D2HGDH: variants seen among roughly 807,000 people sequenced by gnomAD.
D2HGDH encodes the protein D-2-hydroxyglutarate dehydrogenase.
D2HGDH carries 31 observed loss-of-function variants against 46.9 expected under a neutral mutation model. The ratio of observed to expected loss-of-function variants is 0.66; its 90% CI spans 0.50 to 0.89. The LOEUF (loss-of-function observed/expected upper bound fraction) is 0.89. Among genes scored for constraint, D2HGDH ranks in the 40% least tolerant of loss-of-function variants. D2HGDH has a pLI of 0.00. For missense variants in D2HGDH, 698 were observed against 720.8 expected (o/e 0.97, Z 0.36); for synonymous variants, 364 against 332.6 (o/e 1.09, Z -1.03).
rs558559121 is a variant in D2HGDH, at chr2:241,758,769, A to ATGTGTGTGTGTGTGTG, written c.1306+2783_1306+2798dup. 2.5e-3 allele frequency among the ~76,000 whole-genome samples: 332 copies of ATGTGTGTGTGTGTGTG among 131,966 alleles called. 4 individuals are homozygous for ATGTGTGTGTGTGTGTG. The highest frequency in any genetic ancestry group is 2.8e-3 in the Admixed American group (36 of 12,684). The allele number at this position is 131,966 out of a possible 152,430, so 86.6% of individuals were successfully genotyped here. ...TATACCGCCCCCCGCCCCACAATATATGTGTGTGTGTGTGTGTGTGTGTGT... is the reference window on the plus strand; with the variant it reads ...TATACCGCCCCCCGCCCCACAATATATGTGTGTGTGTGTGTGTGTGTGTGTGTGTGTGTGTGTGTGT... On this transcript the variant is annotated intron_variant, in intron 9 of 9. Coordinates refer to ENST00000321264, the MANE Select transcript of D2HGDH (RefSeq NM_152783.5).
intron 7 of D2HGDH, among the ~76,000 whole-genome samples, chr2:241,750,778 C>T (rs750620816): frequency 6.6e-6 from 1 of 152,118 alleles, no homozygotes; most frequent in Non-Finnish European, 1.5e-5. Context: ...CGGATTCAAA[C>T]CATTCTCCTG....
In D2HGDH at chr2:241,751,913, C is replaced by T. The variant is rs576564503; in HGVS notation, c.1140+525C>T. Among the ~76,000 whole-genome samples, 5 of 142,530 alleles carry T rather than the reference C, an allele frequency of 3.5e-5. No homozygotes were observed. In the East Asian group the frequency reaches 5.9e-4, roughly 17 times the overall value. The allele number at this position is 142,530 out of a possible 152,430, so 93.5% of individuals were successfully genotyped here. On this transcript the variant is annotated intron_variant, in intron 8 of 9. Transcript: ENST00000321264. Reference sequence around the variant, plus strand: ...AGGGGGAGCCCTCGGTCACCGTCACCGGGGCCTGGGCAGGGGGAGCCCTCG... The same window carrying T: ...AGGGGGAGCCCTCGGTCACCGTCACTGGGGCCTGGGCAGGGGGAGCCCTCG...
chr2:241,753,653 C>T (rs1484717933), intron 8 of D2HGDH, among the ~76,000 whole-genome samples: 1 of 152,262 alleles, frequency 6.6e-6, no homozygotes, highest in East Asian at 1.9e-4. Context: ...GCTGTAGCCT[C>T]AGCCCACCCG....
At chr2:241,755,269 C>T in intron 8 of D2HGDH, 6 of 1,287,714 alleles carry the variant, frequency 4.7e-6, no homozygotes, top group Non-Finnish European at 6.1e-6. Context: ...CTTCCCTCCC[C>T]TGTGGCCCAC....
intron 9 of D2HGDH, among the ~76,000 whole-genome samples, chr2:241,757,552 A>G (rs1407267821): frequency 6.6e-6 from 1 of 152,124 alleles, no homozygotes; most frequent in Non-Finnish European, 1.5e-5. Context: ...TCAGAATATG[A>G]CCTCAAGCCA....
chr2:241,736,429 G>A (rs1037086465), intron 2 of D2HGDH, among the ~76,000 whole-genome samples: 1 of 141,572 alleles, frequency 7.1e-6, no homozygotes, highest in African/African-American at 2.5e-5. Flanking sequence ...ACAGGGCTGC[G>A]CTCCCTCCAA....
chr2:241,738,169 C>G (rs1427321721), intron 2 of D2HGDH, among the ~76,000 whole-genome samples: 1 of 152,192 alleles, frequency 6.6e-6, no homozygotes, highest in Non-Finnish European at 1.5e-5. Flanking sequence ...TCACCCTGCT[C>G]CCGAAGTAAG....
At chr2:241,756,713 G>A (rs532702532) in intron 9 of D2HGDH, among the ~76,000 whole-genome samples, 1 of 152,282 alleles carries the variant, frequency 6.6e-6, no homozygotes, top group African/African-American at 2.4e-5. Flanking sequence ...GTAGAGACAG[G>A]GTTTTGCCAT....
chr2:241,750,391 G>GGCCC, intron 7 of D2HGDH, 97 bp downstream of exon 7: 1 of 452,580 alleles, frequency 2.2e-6, no homozygotes. Flanking sequence ...GGCGGGGGGT[G>GGCCC]CCCGGGCGGG....
At position 241,755,824 on chromosome 2, in the gene D2HGDH, TGTCTCATCTC is replaced by T. The variant is rs1160849787; in HGVS notation, c.1141-16_1141-7del. ...GGGTGTCGTTCCCATAGCCAGCCCTTGTCTCATCTCGTCTCATCCTCTAGATGCTGTGGGC... is the reference window on the plus strand; with the variant it reads ...GGGTGTCGTTCCCATAGCCAGCCCTTGTCTCATCCTCTAGATGCTGTGGGC... On this transcript the variant is annotated splice_polypyrimidine_tract_variant and intron_variant, in intron 8 of 9. Transcript: ENST00000321264. 1.9e-6 allele frequency: 3 copies of T among 1,610,878 alleles called. No homozygotes were observed. The highest frequency in any genetic ancestry group is 8.5e-7 in the Non-Finnish European group (1 of 1,178,052).
rs778113849 is a variant in D2HGDH, at chr2:241,742,445, G to A, written c.361G>A (p.Glu121Lys). 5.3e-5 allele frequency: 85 copies of A among 1,612,096 alleles called. 3 individuals are homozygous for A. The South Asian group carries it at 7.8e-4, about 15-fold the overall frequency. The change falls in exon 4 of 10, where the codon GAG (glutamate) becomes AAG (lysine). Residue 121 changes from glutamate to lysine, a missense_variant. Physicochemically the swap from Glu to Lys is moderately conservative, Grantham distance 56. Coordinates refer to ENST00000321264, the MANE Select transcript of D2HGDH (RefSeq NM_152783.5). This position sits in a 1 kb window ranked among gnomAD's most constrained non-coding sequence, Gnocchi z 4.8. ...EVSHILRHCH[E>K]RNLAVNPQGG... is the part of the protein sequence containing the mutation. ...CTGTCCTCATCCCAGGCACTGCCAC[G>A]AGAGGAACCTGGCCGTGAACCCACA...
chr2:241,734,999 G>A, intron 1 of D2HGDH, 134 bp from the exon 2 acceptor site: 5 of 533,164 alleles, frequency 9.4e-6, no homozygotes. Context: ...GCGGGGTTGC[G>A]GCCCGGGCAG....
intron 1 of D2HGDH, 161 bp downstream of exon 1, chr2:241,734,856 A>G (rs79042705): frequency 1.7e-4 from 24 of 142,828 alleles, no homozygotes; most frequent in African/African-American, 2.9e-4. Context: ...CGCGTGGAAC[A>G]CGCGCGCGCG....
chr2:241,755,547 G>A, intron 8 of D2HGDH: 1 of 1,407,700 alleles, frequency 7.1e-7, no homozygotes, highest in Non-Finnish European at 9.5e-7. Context: ...GATTGCCGGA[G>A]TCCCAGGGTG....
intron 9 of D2HGDH, among the ~76,000 whole-genome samples, chr2:241,763,992 G>C (rs2125175027): frequency 6.6e-6 from 1 of 152,374 alleles, no homozygotes; most frequent in South Asian, 2.1e-4. Context: ...TGAAGTGTGA[G>C]CCACGATCAC....
At chr2:241,751,516 C>T in intron 8 of D2HGDH, 128 bp downstream of exon 8, 1 of 1,420,560 alleles carries the variant, frequency 7.0e-7, no homozygotes, top group Non-Finnish European at 9.6e-7. Context: ...GACTGGGTTT[C>T]ATGGCTTTGA....
chr2:241,750,330 C>T, intron 7 of D2HGDH, 36 bp downstream of exon 7: 1 of 1,582,408 alleles, frequency 6.3e-7, no homozygotes, highest in Non-Finnish European at 8.6e-7. Context: ...GCTGGTCCTG[C>T]AGCTCCTTCT....
rs572979011 is a variant in D2HGDH at position 241,750,485 on chromosome 2, G to C, written c.997+191G>C. Among the ~76,000 whole-genome samples, 140 of 152,300 alleles carry C rather than the reference G, an allele frequency of 9.2e-4. 2 individuals carry two copies. The highest frequency in any genetic ancestry group is 3.4e-3 in the Middle Eastern group (1 of 294). ...CTGCTCTTAACATATTTAGGACAAAGAACAGGCTGCCCTGGTCCTGTGTAA... is the reference window on the plus strand; with the variant it reads ...CTGCTCTTAACATATTTAGGACAAACAACAGGCTGCCCTGGTCCTGTGTAA... On this transcript the variant is annotated intron_variant, in intron 7 of 9. Transcript: ENST00000321264.
At chr2:241,760,396 G>T (rs886131268) in intron 9 of D2HGDH, among the ~76,000 whole-genome samples, 5 of 148,876 alleles carry the variant, frequency 3.4e-5, no homozygotes, top group Admixed American at 6.7e-5. Flanking sequence ...CAGCGTGGGT[G>T]GGCCTTACCC....
Sources: gnomAD v4.1 joint callset for allele counts (sites outside exome capture counted in the v4.1 genomes callset) on GRCh38, gnomAD v4.1.1 for gene constraint, Gnocchi (gnomAD v3.1) non-coding constraint, MANE v1.5 for transcripts, NCBI Gene and HGNC (gene_info 2026-07-23, HGNC 2026-07-21) for gene names.